Variants in KCNMB2 observed in about 807,000 individuals in gnomAD.
KCNMB2 encodes potassium calcium-activated channel subfamily M regulatory beta subunit 2.
Under a neutral mutation model 24.5 loss-of-function variants are expected in KCNMB2, and 9 were observed. The observed-to-expected ratio is 0.37, with a 90% confidence interval of 0.22 to 0.64. The LOEUF (loss-of-function observed/expected upper bound fraction) is 0.64, where lower values mean the gene tolerates loss of function less well. Ranked by LOEUF, KCNMB2 falls within the 30% of genes least tolerant of loss-of-function variation. The pLI is 0.63. For missense variants in KCNMB2, 226 were observed against 284.3 expected (o/e 0.79, Z 1.47); for synonymous variants, 109 against 104.4 (o/e 1.04, Z -0.27).
intron 1 of KCNMB2, among the ~76,000 whole-genome samples, chr3:178,577,784 GA>G (rs1205751199): frequency 6.6e-6 from 1 of 152,172 alleles, no homozygotes; most frequent in East Asian, 1.9e-4. Flanking sequence ...ATCAGAGATT[GA>G]AGATCAACTT....
At chr3:178,648,788 T>C (rs542765336) in intron 1 of KCNMB2, among the ~76,000 whole-genome samples, 1 of 152,184 alleles carries the variant, frequency 6.6e-6, no homozygotes, top group African/African-American at 2.4e-5. Flanking sequence ...TATAGACATA[T>C]CTAGGCACCA....
chr3:178,568,823 TAGATAGATGATA>T (rs1716643961), intron 1 of KCNMB2, among the ~76,000 whole-genome samples: 1 of 82,670 alleles, frequency 1.2e-5, no homozygotes, highest in African/African-American at 5.7e-5. Flanking sequence ...AGATAATAGA[TAGATAGATGATA>T]GATAGATAGA....
chr3:178,826,590 C>T (rs4541384), intron 3 of KCNMB2, among the ~76,000 whole-genome samples: 100,032 of 151,818 alleles, frequency 0.66, 35,283 homozygotes, highest in African/African-American at 0.92. Context: ...ACTCTAAACA[C>T]AGGCAAGCCC....
chr3:178,587,516 C>A (rs1439812124), intron 1 of KCNMB2, among the ~76,000 whole-genome samples: 1 of 151,952 alleles, frequency 6.6e-6, no homozygotes, highest in African/African-American at 2.4e-5. Flanking sequence ...CTCCGCCTCC[C>A]GGGTTCAAGT....
intron 1 of KCNMB2, among the ~76,000 whole-genome samples, chr3:178,583,198 C>T (rs971522428): frequency 2.0e-5 from 3 of 152,046 alleles, no homozygotes; most frequent in African/African-American, 7.2e-5. Context: ...TATTAAGATG[C>T]ATGTTTCAGA....
intron 2 of KCNMB2, among the ~76,000 whole-genome samples, chr3:178,815,536 T>C (rs1443976704): frequency 6.6e-6 from 1 of 152,224 alleles, no homozygotes; most frequent in Admixed American, 6.5e-5. Context: ...TATTCATTCA[T>C]ATGTTATACT....
At position 178,827,454 on chromosome 3, in the gene KCNMB2, A is replaced by G. The variant is rs566750183; in HGVS notation, c.228-724A>G. On this transcript the variant is annotated intron_variant, in intron 3 of 4. Transcript: ENST00000452583. ...ACTTACTGCCCATATGTCCTTGCATATGTCATGGGATTTCTCAGTTCACTC... is the reference window on the plus strand; with the variant it reads ...ACTTACTGCCCATATGTCCTTGCATGTGTCATGGGATTTCTCAGTTCACTC... Among the ~76,000 whole-genome samples, 4 of 152,314 alleles carry G rather than the reference A, an allele frequency of 2.6e-5. No homozygotes were observed. In the South Asian group the frequency reaches 8.3e-4, roughly 32 times the overall value.
chr3:178,666,860 T>G (rs1720736755), intron 1 of KCNMB2, among the ~76,000 whole-genome samples: 1 of 152,144 alleles, frequency 6.6e-6, no homozygotes. Flanking sequence ...AGAATGTGAT[T>G]GAGCAGGGAT....
At chr3:178,712,952 G>C (rs1429424660) in intron 1 of KCNMB2, among the ~76,000 whole-genome samples, 1 of 152,212 alleles carries the variant, frequency 6.6e-6, no homozygotes, top group Admixed American at 6.5e-5. Flanking sequence ...CAAACTCATA[G>C]CCCTAGCCCA....
At chr3:178,568,824 AGATAGATGATAGATAG>A (rs1560112293) in intron 1 of KCNMB2, among the ~76,000 whole-genome samples, 34 of 85,474 alleles carry the variant, frequency 4.0e-4, no homozygotes, top group East Asian at 6.1e-4. Context: ...GATAATAGAT[AGATAGATGATAGATAG>A]ATAGATAGAT....
intron 1 of KCNMB2, among the ~76,000 whole-genome samples, chr3:178,659,601 C>G (rs1255163295): frequency 6.6e-6 from 1 of 152,164 alleles, no homozygotes; most frequent in Non-Finnish European, 1.5e-5. Flanking sequence ...AACATCAAAG[C>G]CAAGACATGG....
chr3:178,836,681 A>G (rs1715241675), intron 4 of KCNMB2, among the ~76,000 whole-genome samples: 1 of 152,140 alleles, frequency 6.6e-6, no homozygotes. Context: ...ATGGTAAAAT[A>G]TTAACATATT....
intron 1 of KCNMB2, among the ~76,000 whole-genome samples, chr3:178,726,366 T>G (rs935599063): frequency 1.4e-4 from 22 of 152,132 alleles, no homozygotes; most frequent in African/African-American, 4.8e-4. Context: ...TTACCATTTC[T>G]GTTGGTCTTT....
chr3:178,737,508 T>TA (rs1379253613), intron 1 of KCNMB2, among the ~76,000 whole-genome samples: 2 of 152,158 alleles, frequency 1.3e-5, no homozygotes, highest in Non-Finnish European at 2.9e-5. Context: ...GTTAGTAGAA[T>TA]AAAAAATGAG....
chr3:178,668,886 A>T lies in KCNMB2; in HGVS notation c.-68+132175A>T, dbSNP rs1720806820. On this transcript the variant is annotated intron_variant, in intron 1 of 4. Transcript: ENST00000452583. ...AATACTTAAGACTTTATAAAATGGC[A>T]CATTTCTATGATCAAATCACAGGGA... Among the ~76,000 whole-genome samples the T allele has an allele frequency of 3.3e-5, 5 of 152,306 alleles. No homozygotes were observed. In the South Asian group the frequency reaches 1.0e-3, roughly 32 times the overall value.
chr3:178,797,412 A>T (rs1158233882), intron 1 of KCNMB2, among the ~76,000 whole-genome samples: 2 of 152,082 alleles, frequency 1.3e-5, no homozygotes, highest in African/African-American at 2.4e-5. Flanking sequence ...AGACACAAAA[A>T]CCAAAGACAT....
At chr3:178,678,168 G>C (rs1488399351) in intron 1 of KCNMB2, among the ~76,000 whole-genome samples, 1 of 152,164 alleles carries the variant, frequency 6.6e-6, no homozygotes, top group South Asian at 2.1e-4. Flanking sequence ...GGGTCAGTGA[G>C]CTGCAATTGT....
At chr3:178,821,518 C>T (rs760842795) in intron 2 of KCNMB2, among the ~76,000 whole-genome samples, 2 of 152,096 alleles carry the variant, frequency 1.3e-5, no homozygotes, top group African/African-American at 2.4e-5. Flanking sequence ...TAAGCAATGA[C>T]CCAAAAAACA....
intron 1 of KCNMB2, among the ~76,000 whole-genome samples, chr3:178,755,601 T>C (rs1029731359): frequency 6.6e-6 from 1 of 152,232 alleles, no homozygotes; most frequent in East Asian, 1.9e-4. Context: ...TTATTTCAAA[T>C]ATTAACTTGG....
Sources: gnomAD v4.1 joint callset for allele counts (sites outside exome capture counted in the v4.1 genomes callset) on GRCh38, gnomAD v4.1.1 for gene constraint, MANE v1.5 for transcripts, NCBI Gene and HGNC (gene_info 2026-07-23, HGNC 2026-07-21) for gene names.